CPLANE1: variants seen among roughly 807,000 people sequenced by gnomAD.
CPLANE1 encodes the protein ciliogenesis and planar polarity effector complex subunit 1, also known as ciliogenesis and planar polarity effector 1.
A neutral mutation model predicts 362.5 loss-of-function variants in CPLANE1; 263 were observed. The observed-to-expected ratio is 0.73, with a 90% CI of 0.66 to 0.80. The LOEUF (loss-of-function observed/expected upper bound fraction) is 0.80. CPLANE1 is among the 30% of genes least tolerant of loss of function. The pLI, the probability that CPLANE1 is intolerant of heterozygous loss-of-function variation, is 0.00. For synonymous variants in CPLANE1, 1,212 were observed against 1,302.6 expected (o/e 0.93, Z 1.50); for missense variants, 3,461 against 3,793.4 (o/e 0.91, Z 2.30).
chr5:37,119,325 C>T (rs1404792172), intron 50 of CPLANE1, among the ~76,000 whole-genome samples: 1 of 152,094 alleles, frequency 6.6e-6, no homozygotes, highest in Non-Finnish European at 1.5e-5. Context: ...AAGAAACAGA[C>T]TCCCAAAAAA....
Position 37,209,465 on chromosome 5 carries a change from A to T in CPLANE1, c.2921-3040T>A, listed in dbSNP as rs989710707. The T allele has an allele frequency of 1.6e-5, 21 of 1,301,908 alleles. No homozygotes were observed. In the African/African-American group the frequency reaches 3.0e-4, roughly 19 times the overall value. The allele number at this position is 1,301,908 out of a possible 1,614,324, so 80.6% of individuals were successfully genotyped here. On this transcript the variant is annotated intron_variant, in intron 16 of 52. Coordinates refer to ENST00000651892, the MANE Select transcript of CPLANE1 (RefSeq NM_001384732.1). The surrounding 1 kb of genome is among the most constrained non-coding windows in gnomAD (Gnocchi z 4.6). ...CATTTAAGGATCGGGGTATACTGGA[A>T]ACACTCAAGATACAACTTCGAAACC...
chr5:37,245,861 T>C lies in CPLANE1; in HGVS notation c.82-16A>G, dbSNP rs1169604326. On this transcript the variant is annotated splice_polypyrimidine_tract_variant and intron_variant, in intron 2 of 52. Transcript: ENST00000651892. ...CTTCTTTTTCCTAAGAGAAGAAACA[T>C]GTGAAGGACTCAAGAGGTGCCAGAA... is the stretch of plus-strand genomic sequence containing the variant. The C allele has an allele frequency of 4.0e-6, 6 of 1,503,196 alleles. No homozygotes were observed. The highest frequency in any genetic ancestry group is 4.9e-5 in the Admixed American group (2 of 40,610). The allele number at this position is 1,503,196 out of a possible 1,614,324, so 93.1% of individuals were successfully genotyped here. A position where few individuals can be genotyped will look rare whatever the true frequency, so the allele number is the denominator to read the frequency against.
chr5:37,214,389 C>T (rs1410272373), intron 15 of CPLANE1, among the ~76,000 whole-genome samples: 2 of 152,080 alleles, frequency 1.3e-5, no homozygotes, highest in Admixed American at 6.6e-5. Context: ...GTAGGAGGAT[C>T]GCTTGAGTCT....
intron 8 of CPLANE1, among the ~76,000 whole-genome samples, chr5:37,237,775 G>A (rs1025520573): frequency 4.6e-5 from 7 of 151,610 alleles, no homozygotes; most frequent in South Asian, 2.1e-4. Flanking sequence ...GCGTGAGCCC[G>A]GGAGGCAGAG....
intron 43 of CPLANE1, among the ~76,000 whole-genome samples, chr5:37,144,398 A>G (rs957584338): frequency 1.8e-5 from 2 of 108,266 alleles, no homozygotes; most frequent in Non-Finnish European, 4.0e-5. Flanking sequence ...GACTTTGTCT[A>G]AAAAAAAAAA....
chr5:37,159,094 C>CTTTTTT (rs34035923), intron 38 of CPLANE1, among the ~76,000 whole-genome samples: 2 of 59,760 alleles, frequency 3.3e-5, no homozygotes, highest in African/African-American at 8.9e-5. Flanking sequence ...AATTCACATT[C>CTTTTTT]TTTTTTTTTT....
chr5:37,142,978 C>G (rs1770254230), intron 43 of CPLANE1, among the ~76,000 whole-genome samples: 1 of 152,196 alleles, frequency 6.6e-6, no homozygotes, highest in Non-Finnish European at 1.5e-5. Flanking sequence ...AAGAAAATCT[C>G]TCCCCTGGTG....
At chr5:37,243,671 AT>A (rs569889626) in intron 5 of CPLANE1, among the ~76,000 whole-genome samples, 7 of 147,278 alleles carry the variant, frequency 4.8e-5, no homozygotes, top group African/African-American at 1.7e-4. Flanking sequence ...TATATAAAAA[AT>A]ATATATACAT....
chr5:37,162,523 C>A lies in CPLANE1; in HGVS notation c.7632G>T (p.Met2544Ile), dbSNP rs1255603795. 6.2e-7 allele frequency: 1 copy of A among 1,612,742 alleles called. No individual in the cohort carries two copies. The highest frequency in any genetic ancestry group is 1.7e-5 in the Admixed American group (1 of 59,982). Residue 2544 changes from methionine to isoleucine, a missense_variant, in exon 38 of 53, where the codon ATG (methionine) becomes ATT (isoleucine). Physicochemically the swap from Met to Ile is conservative, Grantham distance 10 (BLOSUM62 1). This residue lies in a region of CPLANE1 where 3,380 missense variants were observed against 3,666.1 expected (regional missense o/e 0.92). Transcript: ENST00000651892. Reference sequence around the variant, plus strand: ...CTATAGCTTTCTTTTTTACAGAGGCCATGAAATGCAATCCAGCTGAAGTAT... The same window carrying A: ...CTATAGCTTTCTTTTTTACAGAGGCAATGAAATGCAATCCAGCTGAAGTAT... The part of the protein sequence containing the change: ...DDNTSAGLHF[M>I]ASVKKKAIGS...
chr5:37,115,998 T>G (rs929125138), intron 50 of CPLANE1, among the ~76,000 whole-genome samples: 1 of 151,994 alleles, frequency 6.6e-6, no homozygotes, highest in Non-Finnish European at 1.5e-5. Context: ...TAACACAAAC[T>G]ACTCCTGGCC....
chr5:37,121,806 T>C lies in CPLANE1; in HGVS notation c.9018-22A>G, dbSNP rs1322152707. The C allele has an allele frequency of 5.6e-6, 9 of 1,601,160 alleles. No homozygotes were observed. The East Asian group carries it at 6.7e-5, about 12-fold the overall frequency. On this transcript the variant is annotated intron_variant, in intron 48 of 52. Coordinates refer to ENST00000651892, the MANE Select transcript of CPLANE1 (RefSeq NM_001384732.1). ...CAATCTGTAGACAAAGAATTAAGCA[T>C]CATTTATTAAGAGTCACTTTCAGTT...
chr5:37,167,773 T>C (rs560850134), intron 34 of CPLANE1, among the ~76,000 whole-genome samples: 2 of 152,286 alleles, frequency 1.3e-5, no homozygotes, highest in African/African-American at 4.8e-5. Flanking sequence ...CAAGGCTCCG[T>C]CTCATACATA....
intron 21 of CPLANE1, among the ~76,000 whole-genome samples, chr5:37,188,718 G>A (rs756287153): frequency 2.6e-5 from 4 of 152,114 alleles, no homozygotes; most frequent in Non-Finnish European, 4.4e-5. Context: ...ACTTGCACAC[G>A]CTTCTTTCTA....
chr5:37,081,276 A>T, the CPLANE1 span, among the ~76,000 whole-genome samples: 10 of 152,250 alleles, frequency 6.6e-5, no homozygotes, highest in Admixed American at 1.3e-4. Flanking sequence ...TTAAATATGT[A>T]CAAAGAAACA....
At chr5:37,098,523 AT>A in the CPLANE1 span, among the ~76,000 whole-genome samples, 12 of 152,084 alleles carry the variant, frequency 7.9e-5, 1 homozygote, top group East Asian at 1.2e-3. Context: ...CCTAACAGAC[AT>A]TTACAGACCA....
chr5:37,243,197 C>A, intron 5 of CPLANE1, 78 bp from the exon 6 acceptor site: 2 of 801,962 alleles, frequency 2.5e-6, no homozygotes, highest in South Asian at 2.1e-5. Context: ...TATATATATT[C>A]CTCATCATAA....
intron 47 of CPLANE1, chr5:37,124,918 C>T (rs1468299830): frequency 5.6e-6 from 6 of 1,067,108 alleles, no homozygotes; most frequent in Non-Finnish European, 6.8e-6. Flanking sequence ...GTCGCAACTG[C>T]CAATGACTCT....
chr5:37,123,333 CTTTT>C (rs1205258324), intron 47 of CPLANE1, among the ~76,000 whole-genome samples: 2 of 152,148 alleles, frequency 1.3e-5, no homozygotes, highest in Admixed American at 1.3e-4. Flanking sequence ...AGTAAATTCA[CTTTT>C]TCAAGGTCCT....
At chr5:37,139,319 A>G in intron 45 of CPLANE1, 21 bp downstream of exon 45, 1 of 1,366,226 alleles carries the variant, frequency 7.3e-7, no homozygotes, top group Non-Finnish European at 1.0e-6. Flanking sequence ...AAAATTGTGA[A>G]TTAACTCTTA....
Sources: allele counts gnomAD v4.1 joint callset (sites outside exome capture counted in the v4.1 genomes callset), GRCh38; gene constraint gnomAD v4.1.1; regional missense constraint gnomAD v4.1.1; non-coding constraint Gnocchi (gnomAD v3.1); transcripts MANE v1.5; gene names NCBI Gene and HGNC (gene_info 2026-07-23, HGNC 2026-07-21).